CYSTM1: variants seen among roughly 807,000 people sequenced by gnomAD.
CYSTM1 encodes the protein cysteine-rich transmembrane module-containing protein 1.
Under a neutral mutation model 13.1 loss-of-function variants are expected in CYSTM1, and 4 were observed. The ratio of observed to expected loss-of-function variants is 0.31; its 90% CI spans 0.15 to 0.70. CYSTM1 has a LOEUF of 0.70. CYSTM1 is among the 30% of genes least tolerant of loss of function. The pLI, the probability that CYSTM1 is intolerant of heterozygous loss-of-function variation, is 0.72. For missense variants in CYSTM1, 96 were observed against 121.6 expected, an observed-to-expected ratio of 0.79 and a Z score of 0.99; for synonymous variants, 36 against 42.7, an observed-to-expected ratio of 0.84 and a Z score of 0.62.
chr5:140,242,117 C>T (rs1429744515), intron 2 of CYSTM1, among the ~76,000 whole-genome samples: 2 of 152,200 alleles, frequency 1.3e-5, no homozygotes, highest in African/African-American at 4.8e-5. Context: ...TTCATCCTCT[C>T]CCTCTGAGCA....
At chr5:140,178,466 T>TTTTTTTTTTCC (rs1491141331) in intron 1 of CYSTM1, among the ~76,000 whole-genome samples, 1 of 111,100 alleles carries the variant, frequency 9.0e-6, no homozygotes, top group African/African-American at 3.6e-5. Context: ...TTTTTTTTTT[T>TTTTTTTTTTCC]CAGAAACAGG....
At chr5:140,209,451 A>G (rs1288173010) in intron 2 of CYSTM1, among the ~76,000 whole-genome samples, 2 of 148,180 alleles carry the variant, frequency 1.3e-5, no homozygotes, top group Non-Finnish European at 3.0e-5. Flanking sequence ...TTTTTTTGAG[A>G]TGGAGTCTTG....
rs368966203 is a variant in CYSTM1, at chr5:140,235,115, C to T, written c.188-8190C>T. On this transcript the variant is annotated intron_variant, in intron 2 of 2. Transcript: ENST00000261811. ...CTAAGTAGCTGGGATTACAGGCGCC[C>T]GCCACCACGCCTGGCTAATTTTTAT... is the stretch of plus-strand genomic sequence containing the variant. 7.9e-5 allele frequency among the ~76,000 whole-genome samples: 12 copies of T among 151,848 alleles called. No homozygotes were observed. The South Asian group carries it at 8.3e-4, about 11-fold the overall frequency.
At chr5:140,221,938 T>C (rs928692660) in intron 2 of CYSTM1, among the ~76,000 whole-genome samples, 10 of 152,260 alleles carry the variant, frequency 6.6e-5, no homozygotes, top group African/African-American at 1.9e-4. Context: ...TCCCCTTTCA[T>C]TGACCACATT....
At chr5:140,193,973 G>A (rs1764122410) in intron 1 of CYSTM1, among the ~76,000 whole-genome samples, 1 of 152,228 alleles carries the variant, frequency 6.6e-6, no homozygotes, top group Non-Finnish European at 1.5e-5. Context: ...AGGCCCCACT[G>A]TGGCCCAGCC....
chr5:140,199,463 C>T (rs1764199931), intron 2 of CYSTM1, among the ~76,000 whole-genome samples: 2 of 152,126 alleles, frequency 1.3e-5, no homozygotes, highest in African/African-American at 4.8e-5. Flanking sequence ...TCCTCTCCAG[C>T]ATCTATTGTT....
chr5:140,205,737 C>T (rs1254632586), intron 2 of CYSTM1, among the ~76,000 whole-genome samples: 1 of 152,136 alleles, frequency 6.6e-6, no homozygotes, highest in Non-Finnish European at 1.5e-5. Context: ...CTGGCCCACA[C>T]AAATTTTCTG....
At chr5:140,181,239 C>G (rs2126652356) in intron 1 of CYSTM1, among the ~76,000 whole-genome samples, 1 of 152,244 alleles carries the variant, frequency 6.6e-6, no homozygotes, top group Non-Finnish European at 1.5e-5. Flanking sequence ...TCTGTGAGCC[C>G]TTATTGTTAA....
chr5:140,207,580 A>T (rs1374117335), intron 2 of CYSTM1, among the ~76,000 whole-genome samples: 1 of 152,174 alleles, frequency 6.6e-6, no homozygotes, highest in African/African-American at 2.4e-5. Context: ...CAACTCAAAG[A>T]TTTAAATATT....
At chr5:140,228,764 C>T (rs1051230050) in intron 2 of CYSTM1, 11 of 399,348 alleles carry the variant, frequency 2.8e-5, no homozygotes, top group African/African-American at 1.6e-4. Context: ...AGATGGACAG[C>T]GGGTGTCAGG....
chr5:140,185,287 A>G (rs1405138524), intron 1 of CYSTM1, among the ~76,000 whole-genome samples: 3 of 152,194 alleles, frequency 2.0e-5, no homozygotes, highest in Non-Finnish European at 2.9e-5. Context: ...CCCATATCTG[A>G]GCTGTGTATC....
intron 1 of CYSTM1, among the ~76,000 whole-genome samples, 155 bp from the exon 2 acceptor site, chr5:140,194,291 A>G (rs1764126305): frequency 6.6e-6 from 1 of 152,214 alleles, no homozygotes; most frequent in African/African-American, 2.4e-5. Context: ...AATTATAGTG[A>G]TGGTGAGAAG....
At chr5:140,232,697 C>G (rs1311058660) in intron 2 of CYSTM1, among the ~76,000 whole-genome samples, 1 of 152,116 alleles carries the variant, frequency 6.6e-6, no homozygotes, top group Non-Finnish European at 1.5e-5. Context: ...GCTCCTCAGG[C>G]CTGGAGAAAG....
chr5:140,240,091 C>T (rs1764729680), intron 2 of CYSTM1, among the ~76,000 whole-genome samples: 1 of 152,110 alleles, frequency 6.6e-6, no homozygotes, highest in South Asian at 2.1e-4. Context: ...GCAGCCACAG[C>T]AGGCACCAGA....
At chr5:140,183,054 G>A (rs574567834) in intron 1 of CYSTM1, among the ~76,000 whole-genome samples, 1 of 152,288 alleles carries the variant, frequency 6.6e-6, no homozygotes, top group South Asian at 2.1e-4. Context: ...ACGTTAAGCT[G>A]TAGGGGCCTC....
At position 140,243,415 on chromosome 5, in the gene CYSTM1, G is replaced by C; in HGVS notation, c.*4G>C. 6.2e-7 allele frequency: 1 copy of C among 1,613,518 alleles called. No individual in the cohort carries two copies. The highest frequency in any genetic ancestry group is 8.5e-7 in the Non-Finnish European group (1 of 1,179,846). ...TCTCTGGGACATGCTCACCTGACCA[G>C]ACCAGCCCAGCCGTCCTGTCCTGCC... is the stretch of plus-strand genomic sequence containing the variant. On this transcript the variant is annotated 3_prime_UTR_variant, in exon 3 of 3. Coordinates refer to ENST00000261811, the MANE Select transcript of CYSTM1 (RefSeq NM_032412.4).
chr5:140,220,853 A>C (rs921420677), intron 2 of CYSTM1, among the ~76,000 whole-genome samples: 5 of 152,234 alleles, frequency 3.3e-5, no homozygotes, highest in African/African-American at 1.2e-4. Flanking sequence ...GCTGGAGTCC[A>C]GGCTGGCTCC....
At chr5:140,197,751 C>G (rs1764174377) in intron 2 of CYSTM1, among the ~76,000 whole-genome samples, 1 of 152,044 alleles carries the variant, frequency 6.6e-6, no homozygotes, top group South Asian at 2.1e-4. Flanking sequence ...TCTCTCCACT[C>G]AAGTTCAAGT....
At chr5:140,214,202 A>G (rs756847333) in intron 2 of CYSTM1, among the ~76,000 whole-genome samples, 5 of 152,234 alleles carry the variant, frequency 3.3e-5, no homozygotes, top group African/African-American at 1.2e-4. Context: ...TAATGACTGC[A>G]CCAGCAGTGG....
Sources: gnomAD v4.1 joint callset for allele counts (sites outside exome capture counted in the v4.1 genomes callset) on GRCh38, gnomAD v4.1.1 for gene constraint, MANE v1.5 for transcripts, NCBI Gene and HGNC (gene_info 2026-07-23, HGNC 2026-07-21) for gene names.